SEZ6L: variants seen among roughly 807,000 people sequenced by gnomAD.
The protein encoded by SEZ6L is seizure related 6 homolog like.
In SEZ6L, 37 loss-of-function variants were observed where a neutral mutation model predicts 106.2. The ratio of observed to expected loss-of-function variants is 0.35; its 90% CI spans 0.27 to 0.46. The LOEUF (loss-of-function observed/expected upper bound fraction) is 0.46. SEZ6L is among the 20% of genes least tolerant of loss of function. The pLI is 1.00. For missense variants in SEZ6L, 1,172 were observed against 1,332.8 expected, an observed-to-expected ratio of 0.88 and a Z score of 1.88; for synonymous variants, 541 against 570.4, an observed-to-expected ratio of 0.95 and a Z score of 0.73.
In SEZ6L at chr22:26,236,786, G is replaced by A. The variant is rs146535357; in HGVS notation, c.95-55620G>A. Reference sequence around the variant, plus strand: ...GGTTTTTCTGGCTTAAAATCAATCAGTAATACCTGCAGGATGACATCCTGA... The same window carrying A: ...GGTTTTTCTGGCTTAAAATCAATCAATAATACCTGCAGGATGACATCCTGA... On this transcript the variant is annotated intron_variant, in intron 1 of 16. Coordinates refer to ENST00000248933, the MANE Select transcript of SEZ6L (RefSeq NM_021115.5). Among the ~76,000 whole-genome samples the A allele has an allele frequency of 6.4e-4, 98 of 152,332 alleles. 3 individuals are homozygous for A. The East Asian group carries it at 0.018, about 28-fold the overall frequency.
In SEZ6L at chr22:26,380,509, T is replaced by A. The variant is rs956669395; in HGVS notation, c.*214T>A. 2 of 441,546 alleles carry A rather than the reference T, an allele frequency of 4.5e-6. No homozygotes were observed. The highest frequency in any genetic ancestry group is 6.5e-5 in the East Asian group (2 of 30,862). 27.4% of individuals were successfully genotyped at this position (441,546 alleles called of 1,614,324 possible). A position where few individuals can be genotyped will look rare whatever the true frequency, so the allele number is the denominator to read the frequency against. The stretch of plus-strand genomic sequence containing the variant: ...TGGATGTTTCGCGGCCTCAGCCAAA[T>A]TCATGTTACAGCCTCAATTCTGAAG... On this transcript the variant is annotated 3_prime_UTR_variant, in exon 17 of 17. Transcript: ENST00000248933.
chr22:26,224,453 G>A (rs891933811), intron 1 of SEZ6L, among the ~76,000 whole-genome samples: 2 of 152,140 alleles, frequency 1.3e-5, no homozygotes, highest in African/African-American at 4.8e-5. Context: ...GTGCCCTTAA[G>A]CCCATGGCAA....
intron 1 of SEZ6L, among the ~76,000 whole-genome samples, chr22:26,226,294 C>T (rs183864197): frequency 6.6e-6 from 1 of 152,232 alleles, no homozygotes; most frequent in East Asian, 1.9e-4. Context: ...TGAATGTGAT[C>T]CACTGTTCCC....
chr22:26,301,955 A>C (rs2081467052), intron 5 of SEZ6L, among the ~76,000 whole-genome samples: 1 of 152,310 alleles, frequency 6.6e-6, no homozygotes, highest in South Asian at 2.1e-4. Flanking sequence ...ATCTGGAAAA[A>C]TTTAAGCATA....
At chr22:26,261,825 C>A (rs1399115217) in intron 1 of SEZ6L, among the ~76,000 whole-genome samples, 1 of 152,038 alleles carries the variant, frequency 6.6e-6, no homozygotes. Context: ...GTGGTTCAGG[C>A]AAAATTGATA....
chr22:26,301,216 A>G (rs1033949780), intron 5 of SEZ6L, among the ~76,000 whole-genome samples: 36 of 152,214 alleles, frequency 2.4e-4, no homozygotes, highest in African/African-American at 8.2e-4. Flanking sequence ...CCCTCTAGTA[A>G]AAAGAAGTGG....
chr22:26,287,214 C>T (rs2080965239), intron 1 of SEZ6L, among the ~76,000 whole-genome samples: 1 of 152,124 alleles, frequency 6.6e-6, no homozygotes, highest in South Asian at 2.1e-4. Context: ...ATGGCTCTGT[C>T]CTTTGGGGGA....
chr22:26,349,816 T>C (rs74811946), intron 11 of SEZ6L, among the ~76,000 whole-genome samples: 8 of 152,086 alleles, frequency 5.3e-5, no homozygotes, highest in African/African-American at 1.7e-4. Context: ...CTGCATCTGC[T>C]TTTTTTTCAG....
intron 12 of SEZ6L, among the ~76,000 whole-genome samples, chr22:26,353,990 G>A (rs989761806): frequency 4.8e-5 from 7 of 146,592 alleles, no homozygotes; most frequent in East Asian, 2.1e-4. Flanking sequence ...CAGTGTCTTC[G>A]ACATCCTAAC....
At chr22:26,295,906 G>T (rs1318680111) in intron 3 of SEZ6L, among the ~76,000 whole-genome samples, 2 of 152,174 alleles carry the variant, frequency 1.3e-5, no homozygotes, top group East Asian at 3.9e-4. Flanking sequence ...ATCAGGGAAG[G>T]TCTCATAGAG....
chr22:26,209,475 ATG>A (rs2078080793), intron 1 of SEZ6L, among the ~76,000 whole-genome samples: 1 of 99,314 alleles, frequency 1.0e-5, no homozygotes, highest in African/African-American at 4.6e-5. Context: ...ATATGGATGG[ATG>A]GATGGATGGA....
rs946081615 is a variant in SEZ6L, at chr22:26,203,933, G to A, written c.94+34170G>A. ...TTTCAACTTTTATTTCTGGTAATTT[G>A]CCCTACATTTGATGAGGCAAGAGGG... On this transcript the variant is annotated intron_variant, in intron 1 of 16. Transcript: ENST00000248933. Among the ~76,000 whole-genome samples, 41 of 152,142 alleles carry A rather than the reference G, an allele frequency of 2.7e-4. 1 individual carries two copies. Among genetic ancestry groups the A allele is most frequent in the Non-Finnish European group, 4.4e-5 (3 of 68,028 alleles).
chr22:26,348,558 G>GGAGGA (rs1204846928), intron 11 of SEZ6L, among the ~76,000 whole-genome samples: 6 of 57,666 alleles, frequency 1.0e-4, no homozygotes, highest in African/African-American at 4.0e-4. Flanking sequence ...AGGAAGGAAG[G>GGAGGA]AAGGGAGGAA....
At chr22:26,350,726 G>A (rs1160509357) in intron 11 of SEZ6L, among the ~76,000 whole-genome samples, 3 of 147,972 alleles carry the variant, frequency 2.0e-5, no homozygotes, top group East Asian at 2.0e-4. Context: ...GTGCGATCTC[G>A]GCTCACTTCA....
At chr22:26,218,853 G>T (rs533078127) in intron 1 of SEZ6L, among the ~76,000 whole-genome samples, 7 of 152,148 alleles carry the variant, frequency 4.6e-5, no homozygotes, top group African/African-American at 1.7e-4. Context: ...AGGAGAAATC[G>T]CTTGAACCCA....
At position 26,269,484 on chromosome 22, in the gene SEZ6L, A is replaced by T. The variant is rs958634072; in HGVS notation, c.95-22922A>T. ...ACCCCAGGTCAAGATTGGAACCCTA[A>T]CCTCGTTGTTTGCTGATCTGAGCAT... On this transcript the variant is annotated intron_variant, in intron 1 of 16. Coordinates refer to ENST00000248933, the MANE Select transcript of SEZ6L (RefSeq NM_021115.5). 2.6e-5 allele frequency among the ~76,000 whole-genome samples: 4 copies of T among 151,600 alleles called. No homozygotes were observed. In the East Asian group the frequency reaches 7.7e-4, roughly 29 times the overall value.
At chr22:26,198,200 G>A (rs936088274) in intron 1 of SEZ6L, among the ~76,000 whole-genome samples, 2 of 152,230 alleles carry the variant, frequency 1.3e-5, no homozygotes, top group African/African-American at 4.8e-5. Context: ...CTCTGGTTTT[G>A]CTTCTGTGAA....
chr22:26,342,035 G>T (rs1435796168), intron 10 of SEZ6L, among the ~76,000 whole-genome samples: 2 of 152,178 alleles, frequency 1.3e-5, no homozygotes, highest in African/African-American at 4.8e-5. Flanking sequence ...TCGGGGCAGA[G>T]CCGAGCTCCA....
chr22:26,195,862 G>C (rs1465569886), intron 1 of SEZ6L, among the ~76,000 whole-genome samples: 10 of 151,962 alleles, frequency 6.6e-5, no homozygotes, highest in Admixed American at 3.3e-4. Context: ...CATCAATCAG[G>C]GTGCTGAGAT....
Sources: allele counts gnomAD v4.1 joint callset (sites outside exome capture counted in the v4.1 genomes callset), GRCh38; gene constraint gnomAD v4.1.1; transcripts MANE v1.5; gene names NCBI Gene and HGNC (gene_info 2026-07-23, HGNC 2026-07-21).